The following CLTC variants were observed in gnomAD, a reference collection of about 807,000 sequenced individuals.
The protein encoded by CLTC is clathrin heavy chain, also known as clathrin heavy chain 1.
In CLTC, 16 loss-of-function variants were observed where a neutral mutation model predicts 195.8. That is an observed-to-expected ratio of 0.08 (90% CI 0.06 to 0.12). The LOEUF is 0.12. Among genes scored for constraint, CLTC ranks in the 10% least tolerant of loss-of-function variants. The probability of loss-of-function intolerance (pLI) is 1.00; values close to 1 mark genes in which losing one functional copy is unlikely to be tolerated. For missense variants in CLTC, 796 were observed against 2,027.0 expected (o/e 0.39, Z 11.66); for synonymous variants, 667 against 689.4 (o/e 0.97, Z 0.51).
intron 1 of CLTC, among the ~76,000 whole-genome samples, chr17:59,642,610 G>A (rs549857723): frequency 6.6e-5 from 10 of 152,286 alleles, no homozygotes; most frequent in Admixed American, 5.2e-4. Context: ...TTAAAGTCAG[G>A]AAGAAGTTAA....
At chr17:59,658,926 T>G (rs1328097048) in intron 6 of CLTC, 1 of 152,212 alleles carries the variant, frequency 6.6e-6, no homozygotes, top group Non-Finnish European at 1.5e-5. Flanking sequence ...ATCTTGGAGG[T>G]TGAAATTTCT....
At chr17:59,633,426 G>A (rs1174554776) in intron 1 of CLTC, among the ~76,000 whole-genome samples, 2 of 152,172 alleles carry the variant, frequency 1.3e-5, no homozygotes, top group African/African-American at 4.8e-5. Context: ...CCGGGAGGCA[G>A]AGGTTGTGGT....
chr17:59,643,099 G>C (rs182090750), intron 1 of CLTC, among the ~76,000 whole-genome samples: 109 of 148,018 alleles, frequency 7.4e-4, no homozygotes, highest in Admixed American at 1.3e-3. Context: ...AGAAAGACTT[G>C]ATTTTTTTTT....
At chr17:59,629,477 C>T (rs967604233) in intron 1 of CLTC, among the ~76,000 whole-genome samples, 40 of 150,810 alleles carry the variant, frequency 2.7e-4, no homozygotes, top group African/African-American at 9.2e-4. Context: ...TTAAATATCC[C>T]GTGAAAAGCA....
At chr17:59,673,799 G>T in intron 15 of CLTC, 27 bp downstream of exon 15, 1 of 1,011,990 alleles carries the variant, frequency 9.9e-7, no homozygotes, top group Non-Finnish European at 1.5e-6. Context: ...TAATGTAAAG[G>T]TATAATCTTA....
At position 59,673,632 on chromosome 17, in the gene CLTC, TTGTC is replaced by T; in HGVS notation, c.2293-13_2293-10del. 1 of 1,601,106 alleles carries T rather than the reference TTGTC, an allele frequency of 6.2e-7. No individual in the cohort carries two copies. The highest frequency in any genetic ancestry group is 8.5e-7 in the Non-Finnish European group (1 of 1,171,444). Reference sequence around the variant, plus strand: ...GAAGAAATTTAAAGTTTCCTTTTGTTTGTCTTTTTTTCAGGAAGCAAAACTAACA... The same window carrying T: ...GAAGAAATTTAAAGTTTCCTTTTGTTTTTTTTTCAGGAAGCAAAACTAACA... On this transcript the variant is annotated splice_polypyrimidine_tract_variant and intron_variant, in intron 14 of 31. Transcript: ENST00000269122.
At chr17:59,653,216 C>T (rs535183177) in intron 5 of CLTC, among the ~76,000 whole-genome samples, 1 of 150,994 alleles carries the variant, frequency 6.6e-6, no homozygotes, top group East Asian at 1.9e-4. Context: ...TTTTTTGAGA[C>T]AGAGTCTCTC....
In CLTC at chr17:59,683,381, A is replaced by G; in HGVS notation, c.4042-6A>G. 6.2e-7 allele frequency: 1 copy of G among 1,609,536 alleles called. No individual in the cohort carries two copies. Among genetic ancestry groups the G allele is most frequent in the Non-Finnish European group, 8.5e-7 (1 of 1,178,068 alleles). The stretch of plus-strand genomic sequence containing the variant: ...TATCTAAAGCAATTAAGTCTTTCTT[A>G]TGCAGGTGCTAAGAGCTGCAGAACA... On this transcript the variant is annotated splice_polypyrimidine_tract_variant and splice_region_variant and intron_variant, in intron 25 of 31. Transcript: ENST00000269122. The surrounding 1 kb of genome is among the most constrained non-coding windows in gnomAD (Gnocchi z 6.1).
Position 59,661,592 on chromosome 17 carries a change from A to T in CLTC, c.1317A>T (p.Val439=). ...KYESLELCRP[V]LQQGRKQLLE... is the part of the protein sequence containing the mutation. ...AATCCTTAGAGCTTTGTAGGCCTGT[A>T]CTTCAGCAAGGGCGAAAACAGCTTT... The change falls in exon 8 of 32, where the codon GTA becomes GTT. Residue 439 remains valine, a synonymous_variant. Transcript: ENST00000269122. 1 of 1,614,122 alleles carries T rather than the reference A, an allele frequency of 6.2e-7. No homozygotes were observed. The highest frequency in any genetic ancestry group is 8.5e-7 in the Non-Finnish European group (1 of 1,180,008).
intron 1 of CLTC, among the ~76,000 whole-genome samples, chr17:59,621,278 A>G (rs1356966529): frequency 6.6e-6 from 1 of 152,170 alleles, no homozygotes; most frequent in Non-Finnish European, 1.5e-5. Context: ...CTGTAGCTTA[A>G]ATAATTTATT....
chr17:59,624,114 G>A (rs1201605382), intron 1 of CLTC, among the ~76,000 whole-genome samples: 2 of 152,172 alleles, frequency 1.3e-5, no homozygotes, highest in Non-Finnish European at 2.9e-5. Context: ...ACCTTATTAT[G>A]TGCTGTAAAT....
chr17:59,672,202 T>C (rs1362683038), intron 14 of CLTC, among the ~76,000 whole-genome samples: 1 of 152,210 alleles, frequency 6.6e-6, no homozygotes, highest in South Asian at 2.1e-4. Context: ...TTAACATTTC[T>C]ACCATGTATA....
intron 17 of CLTC, among the ~76,000 whole-genome samples, chr17:59,678,937 T>G (rs116184980): frequency 5.0e-4 from 76 of 152,308 alleles, no homozygotes; most frequent in African/African-American, 1.8e-3. Context: ...AGGAGGTCAA[T>G]GTTGCAGTGA....
chr17:59,620,232 C>A, intron 1 of CLTC, 59 bp downstream of exon 1: 1 of 1,585,592 alleles, frequency 6.3e-7, no homozygotes, highest in Non-Finnish European at 8.7e-7. Context: ...GGATGGAAGA[C>A]GCTGGAGTCT....
chr17:59,635,575 A>G (rs2031836883), intron 1 of CLTC, among the ~76,000 whole-genome samples: 1 of 152,050 alleles, frequency 6.6e-6, no homozygotes, highest in Admixed American at 6.6e-5. Context: ...GCTAATGGAG[A>G]GTTGTCTTTA....
At chr17:59,624,682 T>C (rs1306138992) in intron 1 of CLTC, among the ~76,000 whole-genome samples, 1 of 152,106 alleles carries the variant, frequency 6.6e-6, no homozygotes, top group Non-Finnish European at 1.5e-5. Flanking sequence ...TTGGCCAGGC[T>C]GGTCTTCAAC....
intron 1 of CLTC, among the ~76,000 whole-genome samples, chr17:59,628,762 A>C (rs1330597453): frequency 6.6e-6 from 1 of 152,110 alleles, no homozygotes; most frequent in Non-Finnish European, 1.5e-5. Context: ...AGGTTCAAGC[A>C]ATTCTCCTGC....
chr17:59,670,417 A>AT (rs745909787), intron 14 of CLTC, among the ~76,000 whole-genome samples: 45 of 151,516 alleles, frequency 3.0e-4, no homozygotes, highest in South Asian at 8.3e-4. Flanking sequence ...CCCATTAGTT[A>AT]TTTTTTCTGA....
In CLTC at chr17:59,648,608, T is replaced by C. The variant is rs951637618; in HGVS notation, c.681+207T>C. ...CTTTCACAACTCGTTCTGTTGGCTG[T>C]TTATATTCTTTGATTGCTAAAGTGC... On this transcript the variant is annotated intron_variant, in intron 4 of 31. Coordinates refer to ENST00000269122, the MANE Select transcript of CLTC (RefSeq NM_004859.4). The surrounding 1 kb of genome is among the most constrained non-coding windows in gnomAD (Gnocchi z 4.5). The C allele has an allele frequency of 5.8e-6, 3 of 520,984 alleles. No individual in the cohort carries two copies. Among genetic ancestry groups the C allele is most frequent in the African/African-American group, 5.7e-5 (3 of 52,658 alleles). 32.3% of individuals were successfully genotyped at this position (520,984 alleles called of 1,614,324 possible). A position where few individuals can be genotyped will look rare whatever the true frequency, so the allele number is the denominator to read the frequency against.
Sources: allele counts gnomAD v4.1 joint callset (sites outside exome capture counted in the v4.1 genomes callset), GRCh38; gene constraint gnomAD v4.1.1; non-coding constraint Gnocchi (gnomAD v3.1); transcripts MANE v1.5; gene names NCBI Gene and HGNC (gene_info 2026-07-23, HGNC 2026-07-21).